Variants in FAM13A observed in about 807,000 individuals in gnomAD.
FAM13A encodes the protein protein FAM13A.
A neutral mutation model predicts 129.6 loss-of-function variants in FAM13A; 76 were observed. The observed-to-expected ratio is 0.59, with a 90% CI of 0.49 to 0.71. FAM13A has a LOEUF of 0.71. Among genes scored for constraint, FAM13A ranks in the 30% least tolerant of loss-of-function variants. The pLI, the probability that FAM13A is intolerant of heterozygous loss-of-function variation, is 0.00. For synonymous variants in FAM13A, 443 were observed against 449.9 expected, an observed-to-expected ratio of 0.98 and a Z score of 0.20; for missense variants, 1,108 against 1,249.3, an observed-to-expected ratio of 0.89 and a Z score of 1.70.
chr4:88,772,859 G>A (rs1218217558), intron 11 of FAM13A, among the ~76,000 whole-genome samples: 1 of 152,212 alleles, frequency 6.6e-6, no homozygotes, highest in Non-Finnish European at 1.5e-5. Flanking sequence ...ACAGCTTCTA[G>A]TGAATATGTA....
chr4:89,027,590 A>AT (rs1006652722), intron 2 of FAM13A, among the ~76,000 whole-genome samples: 1 of 151,816 alleles, frequency 6.6e-6, no homozygotes, highest in Non-Finnish European at 1.5e-5. Context: ...TCAGCATACA[A>AT]TTTTTTTTCT....
intron 8 of FAM13A, among the ~76,000 whole-genome samples, chr4:88,803,519 A>C (rs1727946159): frequency 6.6e-6 from 1 of 151,240 alleles, no homozygotes; most frequent in Non-Finnish European, 1.5e-5. Flanking sequence ...ATACTATGTA[A>C]AACTAAATTT....
chr4:88,981,521 T>G (rs1761663825), intron 4 of FAM13A, among the ~76,000 whole-genome samples: 1 of 152,182 alleles, frequency 6.6e-6, no homozygotes, highest in South Asian at 2.1e-4. Context: ...AAAATAGATT[T>G]TCCTAATGTA....
intron 4 of FAM13A, among the ~76,000 whole-genome samples, chr4:88,945,651 C>T (rs1007048738): frequency 3.3e-5 from 5 of 151,282 alleles, no homozygotes; most frequent in Non-Finnish European, 5.9e-5. Context: ...ATCCCTAATG[C>T]GACTGTTTGT....
intron 1 of FAM13A, among the ~76,000 whole-genome samples, chr4:89,034,444 G>A (rs1158896037): frequency 6.6e-6 from 1 of 152,192 alleles, no homozygotes; most frequent in Non-Finnish European, 1.5e-5. Flanking sequence ...CAGGGTTGCA[G>A]AGAAAAGGGT....
chr4:88,751,391 G>A (rs1261861001), intron 14 of FAM13A, among the ~76,000 whole-genome samples: 2 of 152,164 alleles, frequency 1.3e-5, no homozygotes, highest in East Asian at 3.9e-4. Flanking sequence ...TATGTATTTA[G>A]GAGTTTATAA....
chr4:89,028,122 C>T (rs1446441817), intron 2 of FAM13A, among the ~76,000 whole-genome samples: 1 of 149,556 alleles, frequency 6.7e-6, no homozygotes, highest in African/African-American at 2.5e-5. Context: ...AGGAGAATTG[C>T]TTGAACCCGG....
At chr4:88,902,160 C>A (rs1168796436) in intron 6 of FAM13A, among the ~76,000 whole-genome samples, 2 of 152,086 alleles carry the variant, frequency 1.3e-5, no homozygotes, top group African/African-American at 4.8e-5. Context: ...AGATTTGCAG[C>A]TGAATTCTAC....
chr4:89,034,710 C>T (rs1389286035), intron 1 of FAM13A, among the ~76,000 whole-genome samples: 3 of 152,086 alleles, frequency 2.0e-5, no homozygotes, highest in African/African-American at 7.2e-5. Flanking sequence ...GGCGAAACCC[C>T]ATCTCTACTA....
Position 88,876,178 on chromosome 4 carries a change from A to T in FAM13A, c.844-24995T>A, listed in dbSNP as rs567592243. On this transcript the variant is annotated intron_variant, in intron 6 of 23. Transcript: ENST00000264344. ...CTGGGGGAGGGATAGCATTAGGAGA[A>T]ATACCTAATGCAAATGACGAGTTAA... Among the ~76,000 whole-genome samples the T allele has an allele frequency of 9.5e-4, 144 of 152,266 alleles. 1 individual carries two copies. Among genetic ancestry groups the T allele is most frequent in the Middle Eastern group, 6.8e-3 (2 of 294 alleles).
At chr4:89,008,241 A>T (rs909945115) in intron 3 of FAM13A, among the ~76,000 whole-genome samples, 20 of 152,320 alleles carry the variant, frequency 1.3e-4, no homozygotes, top group African/African-American at 3.4e-4. Context: ...TTGACGCCCT[A>T]GCCCCCAATG....
chr4:89,029,339 A>G (rs1392394627), intron 2 of FAM13A, 121 bp downstream of exon 2: 5 of 788,338 alleles, frequency 6.3e-6, no homozygotes, highest in Non-Finnish European at 1.0e-5. Flanking sequence ...CAATAACTTA[A>G]TATTCTAATG....
chr4:88,965,316 A>C (rs1369750060), intron 4 of FAM13A, among the ~76,000 whole-genome samples: 1 of 152,224 alleles, frequency 6.6e-6, no homozygotes, highest in Non-Finnish European at 1.5e-5. Flanking sequence ...TGCAGACAGC[A>C]CTCCCAACTC....
chr4:88,885,087 T>G (rs1744192147), intron 6 of FAM13A, among the ~76,000 whole-genome samples: 1 of 152,062 alleles, frequency 6.6e-6, no homozygotes, highest in Non-Finnish European at 1.5e-5. Context: ...AAAAGCAATC[T>G]ACAAATTCAA....
At chr4:88,781,757 C>T (rs1170516014) in intron 10 of FAM13A, among the ~76,000 whole-genome samples, 1 of 150,756 alleles carries the variant, frequency 6.6e-6, no homozygotes, top group African/African-American at 2.4e-5. Context: ...TTGTATCTTC[C>T]ATTTTAGTAG....
At chr4:88,954,702 C>T (rs946569595) in intron 4 of FAM13A, among the ~76,000 whole-genome samples, 3 of 151,856 alleles carry the variant, frequency 2.0e-5, no homozygotes, top group Admixed American at 6.6e-5. Context: ...CTGGGCAACA[C>T]GGCAAAAACC....
chr4:88,781,221 G>T lies in FAM13A; in HGVS notation c.1402C>A (p.Arg468Ser). Residue 468 changes from arginine to serine, a missense_variant, in exon 11 of 24, where the codon CGT becomes AGT. Around this residue, in one of 3 missense-constraint regions of FAM13A, gnomAD observed 566 missense variants for 595.7 expected, o/e 0.95. Coordinates refer to ENST00000264344, the MANE Select transcript of FAM13A (RefSeq NM_014883.4). ...GAAAGTTTAGTACTGGATTTCTGAC[G>T]TTTAGGCTTGCTCCTTTCTCCAGCA... ...GCAGERSKPK[R>S]QKSSTKLSEL... The T allele has an allele frequency of 6.2e-7, 1 of 1,612,144 alleles. No individual in the cohort carries two copies. Among genetic ancestry groups the T allele is most frequent in the Non-Finnish European group, 8.5e-7 (1 of 1,179,060 alleles).
At chr4:88,799,310 G>A (rs1726931259) in intron 8 of FAM13A, among the ~76,000 whole-genome samples, 2 of 152,048 alleles carry the variant, frequency 1.3e-5, no homozygotes, top group Admixed American at 6.5e-5. Flanking sequence ...CACAACTAAA[G>A]GATGGCTATT....
chr4:88,822,460 C>G (rs1384145295), intron 7 of FAM13A, among the ~76,000 whole-genome samples: 1 of 152,102 alleles, frequency 6.6e-6, no homozygotes, highest in Non-Finnish European at 1.5e-5. Context: ...ATAAATCTGT[C>G]TGGAATTATT....
Sources: allele counts gnomAD v4.1 joint callset (sites outside exome capture counted in the v4.1 genomes callset), GRCh38; gene constraint gnomAD v4.1.1; regional missense constraint gnomAD v4.1.1; transcripts MANE v1.5; gene names NCBI Gene and HGNC (gene_info 2026-07-23, HGNC 2026-07-21).